The following ATP5MJ variants were observed in gnomAD, a reference collection of about 807,000 sequenced individuals.
The protein encoded by ATP5MJ is ATP synthase F(0) complex subunit j, mitochondrial.
ATP5MJ carries 4 observed loss-of-function variants against 8.3 expected under a neutral mutation model. The ratio of observed to expected loss-of-function variants is 0.48; its 90% CI spans 0.24 to 1.11. The LOEUF (loss-of-function observed/expected upper bound fraction) is 1.11. Ranked by LOEUF, ATP5MJ falls within the 50% of genes least tolerant of loss-of-function variation. ATP5MJ has a pLI of 0.18. For synonymous variants in ATP5MJ, 23 were observed against 21.3 expected (o/e 1.08, Z -0.23); for missense variants, 66 against 71.8 (o/e 0.92, Z 0.29).
chr14:103,914,651 A>G, intron 2 of ATP5MJ: 1 of 584,838 alleles, frequency 1.7e-6, no homozygotes, highest in South Asian at 2.2e-5. Context: ...AAAAAAAAGT[A>G]CAAAAAAAAA....
At chr14:103,917,410 A>G (rs890294051) in intron 1 of ATP5MJ, among the ~76,000 whole-genome samples, 1 of 152,186 alleles carries the variant, frequency 6.6e-6, no homozygotes, top group African/African-American at 2.4e-5. Flanking sequence ...CTTGGAGGCT[A>G]GCATAGAATT....
chr14:103,913,862 C>T (rs536012037), intron 3 of ATP5MJ, 99 bp downstream of exon 3: 3 of 1,390,530 alleles, frequency 2.2e-6, no homozygotes, highest in Non-Finnish European at 3.0e-6. Flanking sequence ...ATATACTGAA[C>T]TGTGTTTCGA....
intron 2 of ATP5MJ, 97 bp from the exon 3 acceptor site, chr14:103,914,081 G>A: frequency 8.9e-7 from 1 of 1,122,812 alleles, no homozygotes; most frequent in Middle Eastern, 2.8e-4. Flanking sequence ...TGTAGCTTAG[G>A]TAAAGCAATT....
intron 1 of ATP5MJ, among the ~76,000 whole-genome samples, chr14:103,918,781 G>A (rs2152108001): frequency 6.6e-6 from 1 of 152,234 alleles, no homozygotes; most frequent in East Asian, 2.0e-4. Context: ...CCAGCACTTT[G>A]GGGGTCCAAG....
chr14:103,920,016 G>T (rs1028450847), intron 1 of ATP5MJ, among the ~76,000 whole-genome samples: 1 of 151,606 alleles, frequency 6.6e-6, no homozygotes, highest in Non-Finnish European at 1.5e-5. Context: ...TAGTAGAAAC[G>T]GGGTTTCACC....
At chr14:103,918,838 C>T (rs564287183) in intron 1 of ATP5MJ, among the ~76,000 whole-genome samples, 9 of 151,446 alleles carry the variant, frequency 5.9e-5, no homozygotes, top group Non-Finnish European at 1.3e-4. Context: ...CTGGCTAACA[C>T]GGTGAAACCC....
chr14:103,921,129 T>A, intron 1 of ATP5MJ: 1 of 1,218,556 alleles, frequency 8.2e-7, no homozygotes, highest in Non-Finnish European at 1.2e-6. Flanking sequence ...GTCAGAGTTC[T>A]TGGCTTGGAC....
chr14:103,914,363 A>T (rs758226443), intron 2 of ATP5MJ: 4 of 539,556 alleles, frequency 7.4e-6, no homozygotes, highest in Non-Finnish European at 1.3e-5. Flanking sequence ...TCAAATATTC[A>T]GAACAGTTGA....
intron 1 of ATP5MJ, chr14:103,921,063 G>C (rs1221904822): frequency 6.5e-7 from 1 of 1,547,402 alleles, no homozygotes; most frequent in Non-Finnish European, 8.7e-7. Context: ...TAACGTGGAG[G>C]GCAGTGTGGC....
At position 103,912,624 on chromosome 14, in the gene ATP5MJ, C is replaced by G; in HGVS notation, c.*42G>C. The G allele has an allele frequency of 1.2e-6, 2 of 1,606,548 alleles. No homozygotes were observed. The highest frequency in any genetic ancestry group is 1.7e-6 in the Non-Finnish European group (2 of 1,173,868). On this transcript the variant is annotated 3_prime_UTR_variant, in exon 4 of 4. Coordinates refer to ENST00000286953, the MANE Select transcript of ATP5MJ (RefSeq NM_004894.3). The stretch of plus-strand genomic sequence containing the variant: ...AACACGGCTTGCTGAAATTTACAGG[C>G]AGACTGACGTTTTCTTTCACATGTA...
At chr14:103,920,034 C>T (rs528419968) in intron 1 of ATP5MJ, among the ~76,000 whole-genome samples, 100 of 151,506 alleles carry the variant, frequency 6.6e-4, no homozygotes, top group African/African-American at 2.3e-3. Flanking sequence ...ACCATGTTGG[C>T]CAGGATGGTC....
rs1555454101 is a variant in ATP5MJ at position 103,914,849 on chromosome 14, A to AAG, written c.124+216_124+217insCT. The AAG allele has an allele frequency of 4.0e-4, 147 of 365,108 alleles. 1 individual carries two copies. The East Asian group carries it at 5.2e-3, about 13-fold the overall frequency. 22.6% of individuals were successfully genotyped at this position (365,108 alleles called of 1,614,324 possible). A position where few individuals can be genotyped will look rare whatever the true frequency, so the allele number is the denominator to read the frequency against. On this transcript the variant is annotated intron_variant, in intron 2 of 3. Coordinates refer to ENST00000286953, the MANE Select transcript of ATP5MJ (RefSeq NM_004894.3). Reference sequence around the variant, plus strand: ...GAGAGACTGTCTCCAAAAAAAAAAAAAAAAAAAAGAAAAGAAAAGAAAAAA... The same window carrying AAG: ...GAGAGACTGTCTCCAAAAAAAAAAAAAGAAAAAAAAGAAAAGAAAAGAAAAAA...
chr14:103,914,949 T>C lies in ATP5MJ; in HGVS notation c.124+117A>G. The C allele has an allele frequency of 4.5e-6, 6 of 1,319,604 alleles. 1 individual carries two copies. In the South Asian group the frequency reaches 8.0e-5, roughly 18 times the overall value. 81.7% of individuals were successfully genotyped at this position (1,319,604 alleles called of 1,614,324 possible). On this transcript the variant is annotated intron_variant, in intron 2 of 3. Transcript: ENST00000286953. ...TGTATTTTTTACGAAGGACTGTAGG[T>C]AGCTCTAATGTTCATACCTAGTTAG...
At chr14:103,913,694 T>G in intron 3 of ATP5MJ, 1 of 556,836 alleles carries the variant, frequency 1.8e-6, no homozygotes, top group South Asian at 2.6e-5. Context: ...GCTTCCCTAT[T>G]GGTGATGATA....
chr14:103,918,804 A>T (rs1193894718), intron 1 of ATP5MJ, among the ~76,000 whole-genome samples: 1 of 151,808 alleles, frequency 6.6e-6, no homozygotes, highest in African/African-American at 2.4e-5. Flanking sequence ...AGGGAGATCA[A>T]GAGGTCAGGA....
In ATP5MJ at chr14:103,919,835, CT is replaced by C. The variant is rs568792205; in HGVS notation, c.-1+1634del. Among the ~76,000 whole-genome samples the C allele has an allele frequency of 2.3e-3, 340 of 145,494 alleles. 2 individuals are homozygous for C. Among genetic ancestry groups the C allele is most frequent in the Admixed American group, 0.018 (266 of 14,646 alleles). On this transcript the variant is annotated intron_variant, in intron 1 of 3. Coordinates refer to ENST00000286953, the MANE Select transcript of ATP5MJ (RefSeq NM_004894.3). ...ATACATAATAAAACGAGGGCCCCCC[CT>C]TTTTTTTTTTAGACAGAGTTTCAGT...
intron 2 of ATP5MJ, chr14:103,914,697 G>C: frequency 1.8e-6 from 1 of 563,180 alleles, no homozygotes; most frequent in Non-Finnish European, 3.1e-6. Flanking sequence ...CATAGTGACG[G>C]GCACCTGTGG....
chr14:103,921,207 C>T, intron 1 of ATP5MJ: 1 of 606,708 alleles, frequency 1.6e-6, no homozygotes, highest in East Asian at 2.8e-5. Context: ...AAGGTACGCT[C>T]CCTGTCAAAA....
intron 3 of ATP5MJ, chr14:103,913,605 C>T (rs1179050025): frequency 1.0e-5 from 4 of 383,210 alleles, no homozygotes; most frequent in Non-Finnish European, 1.8e-5. Context: ...AGCGAGGCTC[C>T]GTCTCAAAAA....
Sources: allele counts gnomAD v4.1 joint callset (sites outside exome capture counted in the v4.1 genomes callset), GRCh38; gene constraint gnomAD v4.1.1; transcripts MANE v1.5; gene names NCBI Gene and HGNC (gene_info 2026-07-23, HGNC 2026-07-21).